Variants in FER1L5 observed in about 807,000 individuals in gnomAD.
The protein encoded by FER1L5 is fer-1 like family member 5.
FER1L5 carries 187 observed loss-of-function variants against 279.9 expected under a neutral mutation model. That is an observed-to-expected ratio of 0.67 (90% CI 0.59 to 0.75). The LOEUF is 0.75. Among genes scored for constraint, FER1L5 ranks in the 30% least tolerant of loss-of-function variants. The pLI is 0.00. For missense variants in FER1L5, 2,091 were observed against 2,594.4 expected, an observed-to-expected ratio of 0.81 and a Z score of 4.21; for synonymous variants, 921 against 989.7, an observed-to-expected ratio of 0.93 and a Z score of 1.30.
Position 96,669,078 on chromosome 2 carries a change from A to G in FER1L5, c.1303A>G (p.Ser435Gly). Residue 435 changes from serine (S) to glycine (G), a missense_variant, in exon 17 of 53, where the codon AGC becomes GGC. By Grantham distance (56) the Ser-to-Gly change is moderately conservative. Transcript: ENST00000624922. Reference sequence around the variant, plus strand: ...CGGCTTCCTGCCCTGCTTTGGCCCCAGCTTCCTGACTCTGCATGGGGGTAA... The same window carrying G: ...CGGCTTCCTGCCCTGCTTTGGCCCCGGCTTCCTGACTCTGCATGGGGGTAA... ...YSGFLPCFGP[S>G]FLTLHGGKKA... is the part of the protein sequence containing the mutation. 6.4e-7 allele frequency: 1 copy of G among 1,551,614 alleles called. No homozygotes were observed. Among genetic ancestry groups the G allele is most frequent in the Non-Finnish European group, 8.7e-7 (1 of 1,146,978 alleles).
chr2:96,647,428 A>T (rs1407385580), intron 3 of FER1L5, among the ~76,000 whole-genome samples: 2 of 152,178 alleles, frequency 1.3e-5, no homozygotes, highest in Non-Finnish European at 2.9e-5. Context: ...CCGGCTTCTT[A>T]TCACAGCCTC....
chr2:96,662,298 A>G, intron 13 of FER1L5, 31 bp downstream of exon 13: 3 of 1,548,436 alleles, frequency 1.9e-6, no homozygotes, highest in Non-Finnish European at 2.6e-6. Flanking sequence ...AGACCCAGAG[A>G]GATTGGCATC....
intron 19 of FER1L5, among the ~76,000 whole-genome samples, chr2:96,682,642 C>G (rs1188651983): frequency 1.3e-5 from 2 of 152,222 alleles, no homozygotes; most frequent in Non-Finnish European, 2.9e-5. Context: ...CTTGCTTCTT[C>G]CAGTTACCTG....
chr2:96,679,735 C>T (rs1452733464), intron 19 of FER1L5, among the ~76,000 whole-genome samples: 2 of 152,142 alleles, frequency 1.3e-5, no homozygotes, highest in African/African-American at 4.8e-5. Context: ...TAGTGATTCT[C>T]CTTGGTTTTA....
chr2:96,665,521 G>C (rs2076096659), intron 14 of FER1L5, among the ~76,000 whole-genome samples: 1 of 152,036 alleles, frequency 6.6e-6, no homozygotes, highest in African/African-American at 2.4e-5. Flanking sequence ...GAGGGCACAG[G>C]GCTGGGATCC....
chr2:96,686,471 G>A (rs2076929711), intron 23 of FER1L5, 121 bp downstream of exon 23: 1 of 1,194,498 alleles, frequency 8.4e-7, no homozygotes, highest in Non-Finnish European at 1.1e-6. Flanking sequence ...CACATGGAAT[G>A]GGGTTGAAAC....
intron 14 of FER1L5, among the ~76,000 whole-genome samples, chr2:96,666,574 T>C (rs1018651593): frequency 1.2e-4 from 19 of 152,146 alleles, no homozygotes; most frequent in Admixed American, 6.5e-4. Context: ...GCTGAGAGGA[T>C]TGAGGATTTG....
intron 9 of FER1L5, among the ~76,000 whole-genome samples, chr2:96,658,577 A>T (rs1275943402): frequency 6.6e-6 from 1 of 151,494 alleles, no homozygotes; most frequent in Non-Finnish European, 1.5e-5. Flanking sequence ...TTTAAGGAAA[A>T]TTTCTAAAAG....
chr2:96,659,290 T>TTTCCTCCCTTCC lies in FER1L5; in HGVS notation c.748-1046_748-1045insCCCTTCCTTCCT, dbSNP rs1553449028. Among the ~76,000 whole-genome samples, 75 of 81,028 alleles carry TTTCCTCCCTTCC rather than the reference T, an allele frequency of 9.3e-4. 10 individuals carry two copies. Among genetic ancestry groups the TTTCCTCCCTTCC allele is most frequent in the African/African-American group, 3.5e-3 (72 of 20,366 alleles). 53.2% of individuals were successfully genotyped at this position (81,028 alleles called of 152,430 possible). ...TTTGATGAAGTCCAATTTATCAAGCTTTCCTTCCTTCCTTCCTTCCTTCCT... is the reference window on the plus strand; with the variant it reads ...TTTGATGAAGTCCAATTTATCAAGCTTTCCTCCCTTCCTTCCTTCCTTCCTTCCTTCCTTCCT... On this transcript the variant is annotated intron_variant, in intron 9 of 52. Coordinates refer to ENST00000624922, the MANE Select transcript of FER1L5 (RefSeq NM_001293083.2).
At chr2:96,647,916 G>C (rs1473947920) in intron 4 of FER1L5, 30 bp downstream of exon 4, 1 of 1,505,812 alleles carries the variant, frequency 6.6e-7, no homozygotes, top group African/African-American at 1.4e-5. Flanking sequence ...GCCCAGGCAG[G>C]GTGGCTGGAG....
At chr2:96,677,025 A>G (rs1383854190) in intron 19 of FER1L5, among the ~76,000 whole-genome samples, 2 of 152,122 alleles carry the variant, frequency 1.3e-5, no homozygotes, top group African/African-American at 4.8e-5. Context: ...TATTTTTAGT[A>G]GAGATAGGGT....
At chr2:96,674,785 T>G (rs953634118) in intron 19 of FER1L5, among the ~76,000 whole-genome samples, 18 of 152,124 alleles carry the variant, frequency 1.2e-4, no homozygotes, top group African/African-American at 4.3e-4. Context: ...CACTCCAGCC[T>G]GGGTGACAGA....
chr2:96,669,055 G>A lies in FER1L5; in HGVS notation c.1280G>A (p.Gly427Asp). The change falls in exon 17 of 53, where the codon GGC becomes GAC. Residue 427 changes from glycine (G) to aspartate (D), a missense_variant. Physicochemically the swap from Gly to Asp is moderately conservative, Grantham distance 94. Transcript: ENST00000624922. ...TGEEIEGVYS[G>D]FLPCFGPSFL... ...TCTCTCCTTCCAGGAGTGTACTCCG[G>A]CTTCCTGCCCTGCTTTGGCCCCAGC... is the stretch of plus-strand genomic sequence containing the variant. 6.4e-7 allele frequency: 1 copy of A among 1,551,684 alleles called. No individual in the cohort carries two copies.
rs766037081 is a variant in FER1L5, at chr2:96,702,774, C to T, written c.5397+33C>T. On this transcript the variant is annotated intron_variant, in intron 48 of 52. Transcript: ENST00000624922. The surrounding 1 kb of genome is among the most constrained non-coding windows in gnomAD (Gnocchi z 4.0). Reference sequence around the variant, plus strand: ...GCCTGGGGCGTGAGGGGCAACAGGCCACAACAAACAGACCCAGGCTCCTGG... The same window carrying T: ...GCCTGGGGCGTGAGGGGCAACAGGCTACAACAAACAGACCCAGGCTCCTGG... The T allele has an allele frequency of 3.7e-5, 60 of 1,609,116 alleles. No individual in the cohort carries two copies. The highest frequency in any genetic ancestry group is 4.9e-5 in the Non-Finnish European group (58 of 1,178,214).
At chr2:96,679,723 T>C (rs2076649067) in intron 19 of FER1L5, among the ~76,000 whole-genome samples, 1 of 152,204 alleles carries the variant, frequency 6.6e-6, no homozygotes, top group African/African-American at 2.4e-5. Context: ...CATTTATGGG[T>C]TTAGTGATTC....
chr2:96,660,709 C>A (rs561220634), intron 10 of FER1L5, among the ~76,000 whole-genome samples: 2 of 152,330 alleles, frequency 1.3e-5, no homozygotes, highest in South Asian at 4.1e-4. Flanking sequence ...CATGTGCCAC[C>A]ACACCCAGCT....
At position 96,694,475 on chromosome 2, in the gene FER1L5, T is replaced by A. The variant is rs770381602; in HGVS notation, c.3741+11T>A. ...AGGATGGCCATTGAGGTGCTGGCGA[T>A]GTGGGATGGGGACGGTGGGCAGGAC... On this transcript the variant is annotated intron_variant, in intron 34 of 52. Coordinates refer to ENST00000624922, the MANE Select transcript of FER1L5 (RefSeq NM_001293083.2). This position sits in a 1 kb window ranked among gnomAD's most constrained non-coding sequence, Gnocchi z 4.6. 6 of 1,534,592 alleles carry A rather than the reference T, an allele frequency of 3.9e-6. No homozygotes were observed. Among genetic ancestry groups the A allele is most frequent in the Non-Finnish European group, 5.3e-6 (6 of 1,136,664 alleles).
chr2:96,646,974 C>T, intron 2 of FER1L5, 90 bp from the exon 3 acceptor site: 1 of 1,331,812 alleles, frequency 7.5e-7, no homozygotes, highest in Non-Finnish European at 1.0e-6. Flanking sequence ...AATGCAGTGC[C>T]AGCCCGTTCC....
chr2:96,663,397 G>T (rs568345847), intron 13 of FER1L5, 42 bp from the exon 14 acceptor site: 27 of 1,540,102 alleles, frequency 1.8e-5, no homozygotes, highest in Non-Finnish European at 2.4e-5. Flanking sequence ...GTGGAGGGAG[G>T]AGGGGGCAGG....
Sources: gnomAD v4.1 joint callset for allele counts (sites outside exome capture counted in the v4.1 genomes callset) on GRCh38, gnomAD v4.1.1 for gene constraint, Gnocchi (gnomAD v3.1) non-coding constraint, MANE v1.5 for transcripts, NCBI Gene and HGNC (gene_info 2026-07-23, HGNC 2026-07-21) for gene names.